Variants in SGCD observed in about 807,000 individuals in gnomAD.
SGCD encodes sarcoglycan delta, also known as delta-sarcoglycan.
SGCD carries 18 observed loss-of-function variants against 36.6 expected under a neutral mutation model. The ratio of observed to expected loss-of-function variants is 0.49; its 90% CI spans 0.34 to 0.73. The LOEUF (loss-of-function observed/expected upper bound fraction) is 0.73, where lower values mean the gene tolerates loss of function less well. Among genes scored for constraint, SGCD ranks in the 30% least tolerant of loss-of-function variants. SGCD has a pLI of 0.01. For missense variants in SGCD, 387 were observed against 346.7 expected, an observed-to-expected ratio of 1.12 and a Z score of -0.92; for synonymous variants, 133 against 130.6, an observed-to-expected ratio of 1.02 and a Z score of -0.12.
the SGCD span, among the ~76,000 whole-genome samples, chr5:155,765,609 A>G: frequency 6.6e-6 from 1 of 152,322 alleles, no homozygotes; most frequent in Non-Finnish European, 1.5e-5. Context: ...ATCAGGATGC[A>G]ACTGATGCTG....
chr5:156,516,466 C>G (rs913441643), intron 4 of SGCD, among the ~76,000 whole-genome samples: 1 of 152,084 alleles, frequency 6.6e-6, no homozygotes, highest in Admixed American at 6.5e-5. Flanking sequence ...GAACAGAAAG[C>G]AACAACAACA....
At chr5:156,022,119 A>G (rs137891641) in intron 1 of SGCD, among the ~76,000 whole-genome samples, 1 of 152,336 alleles carries the variant, frequency 6.6e-6, no homozygotes, top group African/African-American at 2.4e-5. Context: ...TATAAATAGT[A>G]TCATACAATA....
chr5:156,596,531 A>G (rs1760932610), intron 6 of SGCD, among the ~76,000 whole-genome samples: 1 of 152,210 alleles, frequency 6.6e-6, no homozygotes, highest in Non-Finnish European at 1.5e-5. Flanking sequence ...TATTATTATA[A>G]GGTACGTTTA....
At chr5:156,504,032 C>T (rs1330004610) in intron 3 of SGCD, among the ~76,000 whole-genome samples, 2 of 151,704 alleles carry the variant, frequency 1.3e-5, no homozygotes, top group African/African-American at 4.8e-5. Context: ...GGTGAAACCC[C>T]ATCACTACTA....
chr5:155,807,206 G>A, the SGCD span, among the ~76,000 whole-genome samples: 6 of 152,306 alleles, frequency 3.9e-5, no homozygotes, highest in South Asian at 2.1e-4. Context: ...ACTAGTTCTC[G>A]TGGTTTAGCT....
intron 4 of SGCD, among the ~76,000 whole-genome samples, chr5:156,576,853 CCATTCTGTAGGTTACCTGTT>C (rs1218431559): frequency 6.6e-6 from 1 of 152,030 alleles, no homozygotes; most frequent in Non-Finnish European, 1.5e-5. Context: ...CAATTTTCTC[CCATTCTGTAGGTTACCTGTT>C]CACTCTGATG....
At chr5:156,715,036 C>T (rs962835821) in intron 7 of SGCD, among the ~76,000 whole-genome samples, 4 of 152,160 alleles carry the variant, frequency 2.6e-5, no homozygotes, top group African/African-American at 9.7e-5. Flanking sequence ...CAGGAAAGGG[C>T]TCATTGAGCC....
chr5:156,479,280 G>A (rs1016588625), intron 3 of SGCD, among the ~76,000 whole-genome samples: 5 of 151,892 alleles, frequency 3.3e-5, no homozygotes, highest in African/African-American at 1.2e-4. Flanking sequence ...ACTTTTAGTA[G>A]AGACGGGGTT....
At chr5:156,193,870 G>A (rs139719959) in intron 3 of SGCD, among the ~76,000 whole-genome samples, 50 of 152,270 alleles carry the variant, frequency 3.3e-4, no homozygotes, top group African/African-American at 1.1e-3. Flanking sequence ...TGATTCTGAT[G>A]GCTGCATGAA....
the SGCD span, among the ~76,000 whole-genome samples, chr5:155,775,801 C>T: frequency 6.6e-6 from 1 of 152,266 alleles, no homozygotes; most frequent in South Asian, 2.1e-4. Context: ...GGAGAGAAGT[C>T]TGTTCCCTCA....
intron 1 of SGCD, among the ~76,000 whole-genome samples, chr5:155,938,717 C>T (rs978682135): frequency 7.2e-5 from 11 of 152,196 alleles, no homozygotes; most frequent in African/African-American, 2.7e-4. Flanking sequence ...AGTTTTTCAT[C>T]CCCTGTGGCA....
intron 3 of SGCD, among the ~76,000 whole-genome samples, chr5:156,196,682 A>C (rs1353154791): frequency 1.3e-5 from 2 of 152,216 alleles, no homozygotes; most frequent in African/African-American, 4.8e-5. Flanking sequence ...GCCACCCAGC[A>C]CTTGTGTTAT....
At chr5:156,444,787 A>G (rs73815505) in intron 3 of SGCD, among the ~76,000 whole-genome samples, 7,285 of 152,254 alleles carry the variant, frequency 0.048, 218 homozygotes, top group East Asian at 0.12. Context: ...CTGTAATTAC[A>G]TCAACATTTT....
At chr5:156,160,978 A>G (rs541645795) in intron 3 of SGCD, among the ~76,000 whole-genome samples, 1 of 151,862 alleles carries the variant, frequency 6.6e-6, no homozygotes, top group African/African-American at 2.4e-5. Context: ...CATAGACTAT[A>G]CGTAAATGAA....
intron 1 of SGCD, among the ~76,000 whole-genome samples, chr5:156,072,593 C>G (rs921156324): frequency 2.0e-4 from 30 of 152,118 alleles, no homozygotes; most frequent in African/African-American, 6.8e-4. Context: ...TTTGGTGAAT[C>G]TGACAATTAT....
chr5:156,209,602 C>T (rs1229098093), intron 3 of SGCD, among the ~76,000 whole-genome samples: 2 of 152,182 alleles, frequency 1.3e-5, no homozygotes, highest in Non-Finnish European at 2.9e-5. Context: ...CTGGACCAGC[C>T]AAAATAAACC....
At chr5:156,132,458 C>CTTTTTTTTTTTTTTTTTTTTTGT (rs1762348749) in intron 3 of SGCD, among the ~76,000 whole-genome samples, 1 of 51,794 alleles carries the variant, frequency 1.9e-5, no homozygotes, top group African/African-American at 9.6e-5. Flanking sequence ...CTTACCAAGT[C>CTTTTTTTTTTTTTTTTTTTTTGT]TTTTTTTTTT....
the SGCD span, among the ~76,000 whole-genome samples, chr5:155,839,655 T>C: frequency 6.6e-6 from 1 of 152,232 alleles, no homozygotes; most frequent in African/African-American, 2.4e-5. Flanking sequence ...TATTTATTTA[T>C]ATCTGTATTT....
rs1033393298 is a variant in SGCD at position 156,761,737 on chromosome 5, C to G, written c.*2347C>G. 6.6e-6 allele frequency: 1 copy of G among 152,144 alleles called. No individual in the cohort carries two copies. Among genetic ancestry groups the G allele is most frequent in the Non-Finnish European group, 1.5e-5 (1 of 68,038 alleles). The allele number at this position is 152,144 out of a possible 1,614,324, so 9.4% of individuals were successfully genotyped here. The stretch of plus-strand genomic sequence containing the variant: ...TTTTGCTTAGATTTTGTTCTAATCA[C>G]CACGTGAAGGAATGAGATTAGCACC... On this transcript the variant is annotated 3_prime_UTR_variant, in exon 9 of 9. Transcript: ENST00000337851.
Sources: allele counts gnomAD v4.1 joint callset (sites outside exome capture counted in the v4.1 genomes callset), GRCh38; gene constraint gnomAD v4.1.1; transcripts MANE v1.5; gene names NCBI Gene and HGNC (gene_info 2026-07-23, HGNC 2026-07-21).